Variants in NAV2 observed in about 807,000 individuals in gnomAD.
NAV2 encodes neuron navigator 2.
In NAV2, 54 loss-of-function variants were observed where a neutral mutation model predicts 223.2. The ratio of observed to expected loss-of-function variants is 0.24; its 90% confidence interval spans 0.19 to 0.30. NAV2 has a LOEUF of 0.30. Ranked by LOEUF, NAV2 falls within the 10% of genes least tolerant of loss-of-function variation. NAV2 has a pLI of 1.00. For synonymous variants in NAV2, 1,279 were observed against 1,239.3 expected, an observed-to-expected ratio of 1.03 and a Z score of -0.67; for missense variants, 2,806 against 3,147.5, an observed-to-expected ratio of 0.89 and a Z score of 2.60.
intron 6 of NAV2, among the ~76,000 whole-genome samples, chr11:19,911,108 T>G (rs2043277326): frequency 6.7e-6 from 1 of 149,164 alleles, no homozygotes; most frequent in Non-Finnish European, 1.5e-5. Flanking sequence ...GAGCTGGAAG[T>G]GAACTGTAGC....
At chr11:19,746,437 T>C (rs1792506200) in intron 1 of NAV2, among the ~76,000 whole-genome samples, 1 of 152,176 alleles carries the variant, frequency 6.6e-6, no homozygotes, top group South Asian at 2.1e-4. Context: ...TTAATGTAAG[T>C]AGAGCATGAT....
intron 6 of NAV2, among the ~76,000 whole-genome samples, chr11:19,928,460 T>G (rs1276697336): frequency 1.3e-5 from 2 of 152,236 alleles, no homozygotes; most frequent in African/African-American, 2.4e-5. Flanking sequence ...TGCTTTTCTT[T>G]TTCCCCCTTA....
chr11:19,563,800 G>A lies in NAV2; in HGVS notation c.75+212773G>A, dbSNP rs921684640. 3.9e-5 allele frequency among the ~76,000 whole-genome samples: 6 copies of A among 152,168 alleles called. No homozygotes were observed. The East Asian group carries it at 5.8e-4, about 15-fold the overall frequency. On this transcript the variant is annotated intron_variant, in intron 1 of 37. Transcript: ENST00000360655. ...GATGTATGAACTTCAGCATGCCTGA[G>A]CTTCAGACTCCTCCTGTAACATGAA...
chr11:19,831,243 T>TGGGGGGGGGGGGGGGGGGGGGGGGGGGGG (rs1565392533), intron 1 of NAV2, among the ~76,000 whole-genome samples: 1 of 1,856 alleles, frequency 5.4e-4, no homozygotes, highest in Admixed American at 7.0e-3. Flanking sequence ...GGGGGCGCGA[T>TGGGGGGGGGGGGGGGGGGGGGGGGGGGGG]GGGGAGTGGG....
At chr11:19,959,104 C>T (rs892333469) in intron 10 of NAV2, among the ~76,000 whole-genome samples, 1 of 152,200 alleles carries the variant, frequency 6.6e-6, no homozygotes, top group Non-Finnish European at 1.5e-5. Context: ...GATGTCTGTC[C>T]TCAGCATCCT....
At chr11:20,021,924 C>T (rs2054543679) in intron 11 of NAV2, among the ~76,000 whole-genome samples, 2 of 152,210 alleles carry the variant, frequency 1.3e-5, no homozygotes, top group Non-Finnish European at 2.9e-5. Flanking sequence ...CCTTTGAAAG[C>T]TTCTGTTTGC....
At chr11:19,754,951 C>T (rs2152513863) in intron 1 of NAV2, among the ~76,000 whole-genome samples, 1 of 152,284 alleles carries the variant, frequency 6.6e-6, no homozygotes, top group South Asian at 2.1e-4. Flanking sequence ...TTCCTGTGAA[C>T]TCTGCATTCC....
rs116622183 is a variant in NAV2 at position 19,744,698 on chromosome 11, T to C, written c.267+30736T>C. Among the ~76,000 whole-genome samples the C allele has an allele frequency of 8.8e-3, 1,346 of 152,282 alleles. 18 individuals carry two copies. Among genetic ancestry groups the C allele is most frequent in the African/African-American group, 0.031 (1,293 of 41,560 alleles). Reference sequence around the variant, plus strand: ...TTTCTTGTGCATCATTCCAGAAAATTTGTACAAAAACAAGTATATTCAAAT... The same window carrying C: ...TTTCTTGTGCATCATTCCAGAAAATCTGTACAAAAACAAGTATATTCAAAT... On this transcript the variant is annotated intron_variant, in intron 1 of 37. Transcript: ENST00000349880.
intron 1 of NAV2, among the ~76,000 whole-genome samples, chr11:19,632,771 A>G (rs1282757003): frequency 6.6e-6 from 1 of 152,228 alleles, no homozygotes. Flanking sequence ...AAAGAAATAT[A>G]AGCCTGAGTT....
At chr11:19,633,417 G>A (rs190822605) in intron 1 of NAV2, among the ~76,000 whole-genome samples, 221 of 152,382 alleles carry the variant, frequency 1.5e-3, no homozygotes, top group Admixed American at 0.013. Flanking sequence ...CCAAGAGGCC[G>A]CGGTGCTCAC....
At chr11:19,742,481 G>A (rs2052930472) in intron 1 of NAV2, among the ~76,000 whole-genome samples, 14 of 152,214 alleles carry the variant, frequency 9.2e-5, no homozygotes, top group Admixed American at 7.9e-4. Context: ...GATTGGCAAG[G>A]GTGTGGGTGT....
intron 1 of NAV2, among the ~76,000 whole-genome samples, chr11:19,365,105 G>A (rs1848231620): frequency 6.6e-6 from 1 of 152,180 alleles, no homozygotes; most frequent in South Asian, 2.1e-4. Context: ...AGATATGGAT[G>A]ATAGAGTTCA....
intron 1 of NAV2, among the ~76,000 whole-genome samples, chr11:19,661,493 TC>T (rs2048281585): frequency 6.6e-6 from 1 of 150,528 alleles, no homozygotes; most frequent in South Asian, 2.2e-4. Context: ...TTTAAACTTG[TC>T]AGAGCGCTTT....
chr11:20,078,294 G>A (rs914467778), intron 24 of NAV2, among the ~76,000 whole-genome samples, 190 bp downstream of exon 24: 1 of 152,196 alleles, frequency 6.6e-6, no homozygotes, highest in South Asian at 2.1e-4. Flanking sequence ...AGATGGCTAT[G>A]GTAGTTCATC....
At position 19,397,396 on chromosome 11, in the gene NAV2, A is replaced by AGT. The variant is rs1554919830; in HGVS notation, c.75+46391_75+46392dup. On this transcript the variant is annotated intron_variant, in intron 1 of 37. Transcript: ENST00000360655. Reference sequence around the variant, plus strand: ...GTGTAGAGAATTGGATTCTCTGGGGAGTGTGTGTGTGTGTGTGTGTGTGCG... The same window carrying AGT: ...GTGTAGAGAATTGGATTCTCTGGGGAGTGTGTGTGTGTGTGTGTGTGTGTGCG... 6.4e-3 allele frequency among the ~76,000 whole-genome samples: 918 copies of AGT among 143,906 alleles called. 11 individuals carry two copies. The highest frequency in any genetic ancestry group is 0.02 in the African/African-American group (752 of 38,394). 94.4% of individuals were successfully genotyped at this position (143,906 alleles called of 152,430 possible). A position where few individuals can be genotyped will look rare whatever the true frequency, so the allele number is the denominator to read the frequency against.
rs1437097857 is a variant in NAV2 at position 19,655,808 on chromosome 11, G to T, written c.76-176676G>T. On this transcript the variant is annotated intron_variant, in intron 1 of 37. Coordinates refer to the NAV2 transcript ENST00000360655. ...CCTAATGTTAAATGATGAGTTAATG[G>T]GTGCAGCACACCAACATGGCACATG... 5.3e-5 allele frequency among the ~76,000 whole-genome samples: 8 copies of T among 151,150 alleles called. No homozygotes were observed. In the East Asian group the frequency reaches 1.4e-3, roughly 26 times the overall value.
intron 1 of NAV2, among the ~76,000 whole-genome samples, chr11:19,680,583 C>A (rs1023665840): frequency 6.6e-6 from 1 of 152,200 alleles, no homozygotes; most frequent in Non-Finnish European, 1.5e-5. Flanking sequence ...GGCTATGGAG[C>A]CAGACAGACC....
chr11:19,714,960 G>A (rs1047304127), intron 1 of NAV2, among the ~76,000 whole-genome samples: 4 of 152,120 alleles, frequency 2.6e-5, no homozygotes, highest in South Asian at 2.1e-4. Flanking sequence ...TAGGAGAGGC[G>A]GGAAGCCAGA....
rs564235056 is a variant in NAV2, at chr11:19,697,022, C to T, written c.76-135462C>T. Among the ~76,000 whole-genome samples the T allele has an allele frequency of 3.3e-5, 5 of 152,286 alleles. No individual in the cohort carries two copies. In the South Asian group the frequency reaches 1.0e-3, roughly 32 times the overall value. On this transcript the variant is annotated intron_variant, in intron 1 of 37. Transcript: ENST00000360655. ...CCCGAGGTTACACAGCATTGTGGAA[C>T]TAGAATAGGACCACAGAAGGTGTGC...
Sources: allele counts gnomAD v4.1 joint callset (sites outside exome capture counted in the v4.1 genomes callset), GRCh38; gene constraint gnomAD v4.1.1; transcripts MANE v1.5; gene names NCBI Gene and HGNC (gene_info 2026-07-23, HGNC 2026-07-21).